OPHN1: variants seen among roughly 807,000 people sequenced by gnomAD.
The protein encoded by OPHN1 is oligophrenin 1, also known as oligophrenin-1.
A neutral mutation model predicts 60.7 loss-of-function variants in OPHN1; 11 were observed. That is an observed-to-expected ratio of 0.18 (90% CI 0.11 to 0.30). The LOEUF is 0.30. OPHN1 is among the 10% of genes least tolerant of loss of function. The pLI, the probability that OPHN1 is intolerant of heterozygous loss-of-function variation, is 1.00. For synonymous variants in OPHN1, 226 were observed against 222.6 expected, an observed-to-expected ratio of 1.02 and a Z score of -0.14; for missense variants, 449 against 611.0, an observed-to-expected ratio of 0.73 and a Z score of 2.80.
At chrX:68,137,361 T>C (rs1181236559) in intron 15 of OPHN1, among the ~76,000 whole-genome samples, 1 of 111,898 alleles carries the variant, frequency 8.9e-6, no homozygotes, top group Admixed American at 9.5e-5. Flanking sequence ...CAATAATAAA[T>C]GTAATTATTT....
At chrX:68,067,578 C>T (rs944934952) in intron 20 of OPHN1, among the ~76,000 whole-genome samples, 5 of 110,770 alleles carry the variant, frequency 4.5e-5, no homozygotes, top group Non-Finnish European at 7.6e-5. Context: ...AAAATAGGCT[C>T]GTTCCAATGA....
intron 2 of OPHN1, among the ~76,000 whole-genome samples, chrX:68,395,932 C>T (rs775189128): frequency 9.0e-6 from 1 of 111,146 alleles, no homozygotes; most frequent in African/African-American, 3.3e-5. Flanking sequence ...AAAGTGGAAT[C>T]TTTCCTTCCA....
intron 2 of OPHN1, among the ~76,000 whole-genome samples, chrX:68,390,184 G>A (rs1237837576): frequency 9.0e-6 from 1 of 111,380 alleles, no homozygotes; most frequent in Non-Finnish European, 1.9e-5. Flanking sequence ...GGGATTATGG[G>A]AACTATAATT....
At chrX:68,290,004 C>G (rs1312196621) in intron 3 of OPHN1, among the ~76,000 whole-genome samples, 1 of 109,067 alleles carries the variant, frequency 9.2e-6, no homozygotes, top group Non-Finnish European at 1.9e-5. Flanking sequence ...TTTCGACCCC[C>G]AAAAAAGCCA....
At chrX:68,105,716 T>C (rs922502164) in intron 18 of OPHN1, among the ~76,000 whole-genome samples, 3 of 109,392 alleles carry the variant, frequency 2.7e-5, no homozygotes, top group Non-Finnish European at 5.7e-5. Flanking sequence ...AGATGATGGG[T>C]TGATGGGTGC....
At chrX:68,226,263 C>A (rs1380738625) in intron 6 of OPHN1, among the ~76,000 whole-genome samples, 1 of 111,743 alleles carries the variant, frequency 8.9e-6, no homozygotes, top group Non-Finnish European at 1.9e-5. Flanking sequence ...ATTTGTGTAC[C>A]TGAAAGTGAC....
At chrX:68,432,524 T>C (rs925620969) in intron 2 of OPHN1, among the ~76,000 whole-genome samples, 9 of 111,804 alleles carry the variant, frequency 8.0e-5, no homozygotes, top group African/African-American at 2.6e-4. Flanking sequence ...GATGTCACTT[T>C]GCCCCAGACA....
At chrX:68,377,309 G>A (rs982782142) in intron 2 of OPHN1, among the ~76,000 whole-genome samples, 2 of 109,094 alleles carry the variant, frequency 1.8e-5, no homozygotes, top group African/African-American at 6.7e-5. Context: ...CATTAGCCAG[G>A]ATGGTCTTGA....
At chrX:68,157,736 AAAAG>A (rs1169487611) in intron 15 of OPHN1, among the ~76,000 whole-genome samples, 1 of 98,159 alleles carries the variant, frequency 1.0e-5, no homozygotes, top group Non-Finnish European at 2.2e-5. Flanking sequence ...AAATAAAATA[AAAAG>A]TCTACTTTGT....
chrX:68,224,089 C>G (rs940795623), intron 6 of OPHN1, among the ~76,000 whole-genome samples: 11 of 111,420 alleles, frequency 9.9e-5, no homozygotes, highest in African/African-American at 3.6e-4. Flanking sequence ...TGAACAGCAC[C>G]ATTGATCAAC....
chrX:68,266,375 A>G (rs1022316044), intron 5 of OPHN1, among the ~76,000 whole-genome samples: 10 of 111,755 alleles, frequency 8.9e-5, no homozygotes, highest in Non-Finnish European at 5.6e-5. Flanking sequence ...GCCAATATTC[A>G]ACATTCTTAA....
chrX:68,381,024 A>T (rs1362309914), intron 2 of OPHN1, among the ~76,000 whole-genome samples: 1 of 111,275 alleles, frequency 9.0e-6, no homozygotes, highest in Non-Finnish European at 1.9e-5. Flanking sequence ...CACAGCTGCA[A>T]GACTCAGAGG....
chrX:68,315,115 A>G (rs1467252127), intron 2 of OPHN1, among the ~76,000 whole-genome samples: 1 of 110,495 alleles, frequency 9.1e-6, no homozygotes, highest in African/African-American at 3.3e-5. Context: ...TGGGAGACTG[A>G]AGCAGAAGGA....
intron 15 of OPHN1, among the ~76,000 whole-genome samples, chrX:68,156,815 C>A (rs1405854539): frequency 9.0e-6 from 1 of 111,341 alleles, no homozygotes; most frequent in Non-Finnish European, 1.9e-5. Flanking sequence ...ATGCTTATTT[C>A]CAAAATCAAG....
intron 2 of OPHN1, among the ~76,000 whole-genome samples, chrX:68,352,353 A>G (rs1264566982): frequency 5.0e-5 from 5 of 100,124 alleles, no homozygotes; most frequent in Non-Finnish European, 9.8e-5. Flanking sequence ...TTAATTAACA[A>G]AAGAAATGAA....
chrX:68,313,020 C>T (rs944252962), intron 2 of OPHN1, among the ~76,000 whole-genome samples: 1 of 110,959 alleles, frequency 9.0e-6, no homozygotes, highest in African/African-American at 3.3e-5. Flanking sequence ...AGGAGTATTA[C>T]GTGAGCCCAG....
At chrX:68,331,751 AG>A in intron 2 of OPHN1, among the ~76,000 whole-genome samples, 3 of 102,313 alleles carry the variant, frequency 2.9e-5, no homozygotes, top group South Asian at 4.9e-4. Context: ...AAAAAAAAAA[AG>A]AGGCCGGGTG....
In OPHN1 at chrX:68,275,612, T is replaced by C. The variant is rs554485171; in HGVS notation, c.313-803A>G. 1.6e-4 allele frequency among the ~76,000 whole-genome samples: 18 copies of C among 111,533 alleles called. No homozygotes were observed. The South Asian group carries it at 6.8e-3, about 42-fold the overall frequency. On this transcript the variant is annotated intron_variant, in intron 4 of 24. Coordinates refer to ENST00000355520, the MANE Select transcript of OPHN1 (RefSeq NM_002547.3). ...TAAAGGGCTGCATTTTGGGAATCAT[T>C]GCATTAATTTTTATTAATTACAAGA...
intron 6 of OPHN1, among the ~76,000 whole-genome samples, chrX:68,219,798 T>G (rs1471071111): frequency 9.7e-6 from 1 of 103,302 alleles, no homozygotes; most frequent in Non-Finnish European, 2.0e-5. Context: ...GAGGGAAATT[T>G]ATAGCACTAA....
Sources: allele counts gnomAD v4.1 joint callset (sites outside exome capture counted in the v4.1 genomes callset), GRCh38; gene constraint gnomAD v4.1.1; transcripts MANE v1.5; gene names NCBI Gene and HGNC (gene_info 2026-07-23, HGNC 2026-07-21).